The following GULP1 variants were observed in gnomAD, a reference collection of about 807,000 sequenced individuals.
GULP1 encodes the protein GULP PTB domain containing engulfment adaptor 1.
In GULP1, 19 loss-of-function variants were observed where a neutral mutation model predicts 40.9. That is an observed-to-expected ratio of 0.46 (90% CI 0.32 to 0.68). The LOEUF (loss-of-function observed/expected upper bound fraction) is 0.68, where lower values mean the gene tolerates loss of function less well. Ranked by LOEUF, GULP1 falls within the 30% of genes least tolerant of loss-of-function variation. The pLI is 0.03. For synonymous variants in GULP1, 119 were observed against 117.6 expected, an observed-to-expected ratio of 1.01 and a Z score of -0.08; for missense variants, 312 against 362.2, an observed-to-expected ratio of 0.86 and a Z score of 1.12.
intron 9 of GULP1, among the ~76,000 whole-genome samples, chr2:188,574,911 T>G (rs1699865951): frequency 6.6e-6 from 1 of 152,022 alleles, no homozygotes; most frequent in Non-Finnish European, 1.5e-5. Flanking sequence ...TTTTAAAGAG[T>G]CTCTGTTTAG....
At chr2:188,414,273 T>C in intron 2 of GULP1, among the ~76,000 whole-genome samples, 1 of 151,346 alleles carries the variant, frequency 6.6e-6, no homozygotes, top group East Asian at 1.9e-4. Context: ...TTGATTTGTA[T>C]ATATTTCTAG....
At chr2:188,433,995 C>A (rs897698837) in intron 2 of GULP1, among the ~76,000 whole-genome samples, 4 of 151,100 alleles carry the variant, frequency 2.6e-5, no homozygotes, top group Non-Finnish European at 5.9e-5. Flanking sequence ...ATTCCCCCCA[C>A]TTTTTTTTAA....
chr2:188,429,771 C>T (rs1286063331), intron 2 of GULP1, among the ~76,000 whole-genome samples: 1 of 151,806 alleles, frequency 6.6e-6, no homozygotes, highest in Admixed American at 6.6e-5. Context: ...TGCAGTGGCG[C>T]GATCTCTGCT....
chr2:188,594,094 T>C lies in GULP1; in HGVS notation c.*83T>C. ...ATTATTATTACTTTAAGATAGGTAT[T>C]ATTCATGTGTCAATGTTTTTGAATA... On this transcript the variant is annotated 3_prime_UTR_variant, in exon 12 of 12. Coordinates refer to ENST00000409830, the MANE Select transcript of GULP1 (RefSeq NM_016315.4). 1 of 730,376 alleles carries C rather than the reference T, an allele frequency of 1.4e-6. No individual in the cohort carries two copies. Among genetic ancestry groups the C allele is most frequent in the Non-Finnish European group, 2.3e-6 (1 of 426,464 alleles). The allele number at this position is 730,376 out of a possible 1,614,324, so 45.2% of individuals were successfully genotyped here.
At chr2:188,461,601 G>C (rs903046237) in intron 2 of GULP1, among the ~76,000 whole-genome samples, 1 of 151,756 alleles carries the variant, frequency 6.6e-6, no homozygotes, top group African/African-American at 2.4e-5. Flanking sequence ...ACCGTGACTG[G>C]CCCTGGGAAC....
intron 4 of GULP1, among the ~76,000 whole-genome samples, chr2:188,493,876 CT>C (rs537841642): frequency 2.8e-4 from 43 of 152,200 alleles, no homozygotes; most frequent in Middle Eastern, 3.4e-3. Context: ...TTCTCAGACT[CT>C]TCCTACTGGC....
chr2:188,563,841 T>TC (rs1696968106), intron 7 of GULP1, among the ~76,000 whole-genome samples: 1 of 151,976 alleles, frequency 6.6e-6, no homozygotes, highest in African/African-American at 2.4e-5. Context: ...AAAATTATGT[T>TC]CCAGTGTTTC....
chr2:188,415,057 C>T (rs897896165), intron 2 of GULP1, among the ~76,000 whole-genome samples: 1 of 152,078 alleles, frequency 6.6e-6, no homozygotes, highest in African/African-American at 2.4e-5. Context: ...TGATTTATAG[C>T]AGTATTTAAG....
rs1289399679 is a variant in GULP1 at position 188,543,455 on chromosome 2, A to G, written c.399+2137A>G. Among the ~76,000 whole-genome samples the G allele has an allele frequency of 2.0e-5, 3 of 152,156 alleles. No individual in the cohort carries two copies. In the East Asian group the frequency reaches 5.8e-4, roughly 29 times the overall value. On this transcript the variant is annotated intron_variant, in intron 7 of 11. Coordinates refer to ENST00000409830, the MANE Select transcript of GULP1 (RefSeq NM_016315.4). The stretch of plus-strand genomic sequence containing the variant: ...TGTGCTGAAAAAGGACGTTTCCTCA[A>G]AATTTTGTTATACCTGCACTATCTT...
intron 4 of GULP1, among the ~76,000 whole-genome samples, chr2:188,495,348 A>T (rs1221723962): frequency 6.6e-6 from 1 of 152,058 alleles, no homozygotes; most frequent in African/African-American, 2.4e-5. Context: ...CTACTTTACC[A>T]GTTCCACTCT....
At chr2:188,368,262 T>C (rs1273319785) in intron 1 of GULP1, among the ~76,000 whole-genome samples, 1 of 152,162 alleles carries the variant, frequency 6.6e-6, no homozygotes, top group Non-Finnish European at 1.5e-5. Context: ...TTCTGCGACA[T>C]TGATGGAACC....
chr2:188,480,763 T>C (rs2061386718), intron 3 of GULP1, among the ~76,000 whole-genome samples: 1 of 151,848 alleles, frequency 6.6e-6, no homozygotes, highest in Admixed American at 6.6e-5. Flanking sequence ...AGTAAAAAAG[T>C]ATAAAAATAA....
intron 6 of GULP1, among the ~76,000 whole-genome samples, chr2:188,540,676 T>C (rs904199214): frequency 3.3e-5 from 5 of 152,062 alleles, no homozygotes; most frequent in African/African-American, 1.2e-4. Flanking sequence ...TTTAATAAGA[T>C]TACTAAGGAT....
At chr2:188,505,892 A>G (rs1309513736) in intron 4 of GULP1, among the ~76,000 whole-genome samples, 1 of 151,930 alleles carries the variant, frequency 6.6e-6, no homozygotes, top group African/African-American at 2.4e-5. Flanking sequence ...CTGAACAAAC[A>G]TGCCTCAGAC....
At chr2:188,526,613 C>G (rs1686219264) in intron 5 of GULP1, among the ~76,000 whole-genome samples, 1 of 151,824 alleles carries the variant, frequency 6.6e-6, no homozygotes, top group South Asian at 2.1e-4. Flanking sequence ...AAAAGAAAGG[C>G]AGGAAGGAGA....
rs939404004 is a variant in GULP1 at position 188,505,262 on chromosome 2, A to G, written c.91-17494A>G. Among the ~76,000 whole-genome samples the G allele has an allele frequency of 2.2e-4, 34 of 151,762 alleles. 1 individual carries two copies. The highest frequency in any genetic ancestry group is 8.0e-4 in the African/African-American group (33 of 41,462). Reference sequence around the variant, plus strand: ...TGGTATGTGTTTTCCTTCCACAACTATCCTGTAGCACCTGCTATAACAGGT... The same window carrying G: ...TGGTATGTGTTTTCCTTCCACAACTGTCCTGTAGCACCTGCTATAACAGGT... On this transcript the variant is annotated intron_variant, in intron 4 of 11. Transcript: ENST00000409830.
chr2:188,474,199 A>G (rs1005203228), intron 2 of GULP1, among the ~76,000 whole-genome samples: 1 of 152,120 alleles, frequency 6.6e-6, no homozygotes, highest in Non-Finnish European at 1.5e-5. Flanking sequence ...CTCTCCTTGA[A>G]TGGAAAGAAG....
chr2:188,458,953 T>C (rs1369987426), intron 2 of GULP1, among the ~76,000 whole-genome samples: 1 of 152,194 alleles, frequency 6.6e-6, no homozygotes, highest in Non-Finnish European at 1.5e-5. Flanking sequence ...GGTGTCTGTC[T>C]TTCTGTGCCT....
intron 2 of GULP1, among the ~76,000 whole-genome samples, chr2:188,462,595 T>G (rs548890426): frequency 6.6e-6 from 1 of 152,262 alleles, no homozygotes; most frequent in African/African-American, 2.4e-5. Context: ...ATCTGGGTGC[T>G]CCAGTGTTGG....
Sources: gnomAD v4.1 joint callset for allele counts (sites outside exome capture counted in the v4.1 genomes callset) on GRCh38, gnomAD v4.1.1 for gene constraint, MANE v1.5 for transcripts, NCBI Gene and HGNC (gene_info 2026-07-23, HGNC 2026-07-21) for gene names.